Variants in CSNK1G1 observed in about 807,000 individuals in gnomAD.
CSNK1G1 encodes the protein casein kinase 1 gamma 1.
Under a neutral mutation model 59.6 loss-of-function variants are expected in CSNK1G1, and 22 were observed. That is an observed-to-expected ratio of 0.37 (90% CI 0.26 to 0.53). The LOEUF is 0.53. Among genes scored for constraint, CSNK1G1 ranks in the 20% least tolerant of loss-of-function variants. CSNK1G1 has a pLI of 0.89. For synonymous variants in CSNK1G1, 179 were observed against 177.1 expected (o/e 1.01, Z -0.08); for missense variants, 384 against 519.5 (o/e 0.74, Z 2.54).
chr15:64,321,712 C>T lies in CSNK1G1; in HGVS notation c.-224-20989G>A, dbSNP rs79747193. Among the ~76,000 whole-genome samples the T allele has an allele frequency of 9.2e-3, 1,398 of 152,204 alleles. 21 individuals carry two copies. The highest frequency in any genetic ancestry group is 0.032 in the African/African-American group (1,340 of 41,512). ...TACTCAATTAAGGAAGCCATGAACA[C>T]GGTAAATTTAAAAGTGTCTGGTCAA... On this transcript the variant is annotated intron_variant, in intron 1 of 11. Transcript: ENST00000303052.
At chr15:64,334,728 G>T (rs1398365689) in intron 1 of CSNK1G1, among the ~76,000 whole-genome samples, 1 of 152,182 alleles carries the variant, frequency 6.6e-6, no homozygotes, top group African/African-American at 2.4e-5. Context: ...CGCTCGGGCA[G>T]TAATGCAAGT....
intron 4 of CSNK1G1, among the ~76,000 whole-genome samples, chr15:64,229,918 T>A (rs796646275): frequency 3.4e-5 from 3 of 88,954 alleles, no homozygotes; most frequent in African/African-American, 1.2e-4. Context: ...TTTTTTTTTT[T>A]TTTTTTTTTT....
rs1361135708 is a variant in CSNK1G1, at chr15:64,259,184, A to G, written c.222+17T>C. ...GGAGCACCAAAACATTAATTACCAC[A>G]AACAGATTCTACTCACCAGTTTGAT... On this transcript the variant is annotated intron_variant, in intron 3 of 11. Transcript: ENST00000303052. The G allele has an allele frequency of 1.9e-6, 3 of 1,577,912 alleles. No homozygotes were observed. The highest frequency in any genetic ancestry group is 1.8e-5 in the Admixed American group (1 of 54,708).
In CSNK1G1 at chr15:64,309,572, C is replaced by T. The variant is rs187124050; in HGVS notation, c.-224-8849G>A. ...CTACTAGAGCTACTACACAAGTAAACAAGCAACTACAATGCACTGTGATTA... is the reference window on the plus strand; with the variant it reads ...CTACTAGAGCTACTACACAAGTAAATAAGCAACTACAATGCACTGTGATTA... On this transcript the variant is annotated intron_variant, in intron 1 of 11. Coordinates refer to ENST00000303052, the MANE Select transcript of CSNK1G1 (RefSeq NM_022048.5). Among the ~76,000 whole-genome samples, 515 of 152,262 alleles carry T rather than the reference C, an allele frequency of 3.4e-3. 4 individuals are homozygous for T. Among genetic ancestry groups the T allele is most frequent in the African/African-American group, 0.012 (499 of 41,564 alleles).
At chr15:64,307,868 A>C (rs1357778818) in intron 1 of CSNK1G1, among the ~76,000 whole-genome samples, 2 of 152,024 alleles carry the variant, frequency 1.3e-5, no homozygotes, top group East Asian at 3.9e-4. Context: ...TTGTATTTTT[A>C]GTAGAGACGG....
At chr15:64,181,494 G>C (rs1002964020) in intron 10 of CSNK1G1, 2 of 1,377,024 alleles carry the variant, frequency 1.5e-6, no homozygotes, top group Non-Finnish European at 1.9e-6. Context: ...CCTTGGATAA[G>C]TACTTCCATC....
At chr15:64,228,843 CCT>C (rs887821191) in intron 4 of CSNK1G1, among the ~76,000 whole-genome samples, 1 of 151,698 alleles carries the variant, frequency 6.6e-6, no homozygotes, top group Non-Finnish European at 1.5e-5. Context: ...TGGTGAAACC[CCT>C]GTCTCTACCA....
chr15:64,217,651 A>C (rs2082329636), intron 4 of CSNK1G1, among the ~76,000 whole-genome samples: 1 of 152,038 alleles, frequency 6.6e-6, no homozygotes, highest in African/African-American at 2.4e-5. Flanking sequence ...AACTGTCTCT[A>C]CTGAAAATAC....
At chr15:64,177,033 C>CA (rs2140204568) in intron 11 of CSNK1G1, among the ~76,000 whole-genome samples, 1 of 152,330 alleles carries the variant, frequency 6.6e-6, no homozygotes, top group South Asian at 2.1e-4. Flanking sequence ...TGCCTGCCCT[C>CA]ACCACCCTTT....
intron 4 of CSNK1G1, among the ~76,000 whole-genome samples, chr15:64,220,946 T>G (rs1399314294): frequency 6.6e-6 from 1 of 152,230 alleles, no homozygotes; most frequent in South Asian, 2.1e-4. Context: ...ATCTTGACGA[T>G]GTAAAGTAGT....
In CSNK1G1 at chr15:64,238,494, T is replaced by TAAA. The variant is rs1169739046; in HGVS notation, c.292+13015_292+13017dup. ...GGTGACAGAGCAAGACCCTGTCCCT[T>TAAA]AAAAAAAAAAAAAAAAAAAAAAAAA... is the stretch of plus-strand genomic sequence containing the variant. On this transcript the variant is annotated intron_variant, in intron 4 of 11. Transcript: ENST00000303052. Among the ~76,000 whole-genome samples, 68 of 56,436 alleles carry TAAA rather than the reference T, an allele frequency of 1.2e-3. 2 individuals are homozygous for TAAA. The highest frequency in any genetic ancestry group is 5.4e-3 in the African/African-American group (52 of 9,560). 37.0% of individuals were successfully genotyped at this position (56,436 alleles called of 152,430 possible).
Position 64,348,990 on chromosome 15 carries a change from G to C in CSNK1G1, c.-225+6998C>G, listed in dbSNP as rs181680707. Among the ~76,000 whole-genome samples, 122 of 151,944 alleles carry C rather than the reference G, an allele frequency of 8.0e-4. 1 individual carries two copies. Among genetic ancestry groups the C allele is most frequent in the African/African-American group, 2.8e-3 (115 of 41,432 alleles). On this transcript the variant is annotated intron_variant, in intron 1 of 11. Transcript: ENST00000303052. ...CTACTAAAAATACAAAAAATTAGCT[G>C]GACATGGTAGGTAGCGGGCACCTGT...
chr15:64,334,591 C>G (rs1207127812), intron 1 of CSNK1G1, among the ~76,000 whole-genome samples: 2 of 152,198 alleles, frequency 1.3e-5, no homozygotes, highest in African/African-American at 2.4e-5. Flanking sequence ...ATGGGAGACT[C>G]TGGCCAATCA....
intron 2 of CSNK1G1, among the ~76,000 whole-genome samples, chr15:64,293,772 C>A (rs1272759960): frequency 6.6e-6 from 1 of 152,054 alleles, no homozygotes; most frequent in Non-Finnish European, 1.5e-5. Flanking sequence ...GGAGTGCAAA[C>A]CCTATTACTG....
chr15:64,266,043 G>A (rs1164019286), intron 2 of CSNK1G1: 8 of 244,910 alleles, frequency 3.3e-5, no homozygotes, highest in East Asian at 2.8e-4. Context: ...CACTCCAGCC[G>A]AGGTGACAAA....
At chr15:64,296,592 C>T (rs118009823) in intron 2 of CSNK1G1, among the ~76,000 whole-genome samples, 7,240 of 152,194 alleles carry the variant, frequency 0.048, 179 homozygotes, top group South Asian at 0.079. Flanking sequence ...AGGCTGGGTG[C>T]AGTGGCTCAC....
At chr15:64,305,735 A>T (rs1282467099) in intron 1 of CSNK1G1, among the ~76,000 whole-genome samples, 13 of 149,224 alleles carry the variant, frequency 8.7e-5, no homozygotes, top group Admixed American at 3.4e-4. Context: ...AAAAAAACTT[A>T]CTATAAAGCT....
Position 64,216,688 on chromosome 15 carries a change from G to A in CSNK1G1, c.318C>T (p.Tyr106=). 2 of 1,614,148 alleles carry A rather than the reference G, an allele frequency of 1.2e-6. No homozygotes were observed. Among genetic ancestry groups the A allele is most frequent in the Non-Finnish European group, 1.7e-6 (2 of 1,179,996 alleles). ...SAGEGLPQVY[Y]FGPCGKYNAM... ...CATTATATTTCCCACATGGTCCAAA[G>A]TAATACACCTGTGGGAGACCTTCAC... Residue 106 remains tyrosine (Y), a synonymous_variant, in exon 5 of 12, where the codon TAC becomes TAT. Coordinates refer to ENST00000303052, the MANE Select transcript of CSNK1G1 (RefSeq NM_022048.5). This position sits in a 1 kb window ranked among gnomAD's most constrained non-coding sequence, Gnocchi z 4.6.
intron 3 of CSNK1G1, among the ~76,000 whole-genome samples, chr15:64,258,084 A>G (rs1892486629): frequency 6.6e-6 from 1 of 152,188 alleles, no homozygotes; most frequent in Non-Finnish European, 1.5e-5. Context: ...AGAACAACCA[A>G]TCACAGAACA....
Sources: gnomAD v4.1 joint callset for allele counts (sites outside exome capture counted in the v4.1 genomes callset) on GRCh38, gnomAD v4.1.1 for gene constraint, Gnocchi (gnomAD v3.1) non-coding constraint, MANE v1.5 for transcripts, NCBI Gene and HGNC (gene_info 2026-07-23, HGNC 2026-07-21) for gene names.